KALRN: variants seen among roughly 807,000 people sequenced by gnomAD.
The protein encoded by KALRN is kalirin.
A neutral mutation model predicts 353.7 loss-of-function variants in KALRN; 70 were observed. The ratio of observed to expected loss-of-function variants is 0.20; its 90% CI spans 0.16 to 0.24. The LOEUF (loss-of-function observed/expected upper bound fraction) is 0.24, where lower values mean the gene tolerates loss of function less well. Ranked by LOEUF, KALRN falls within the 10% of genes least tolerant of loss-of-function variation. The pLI is 1.00. For missense variants in KALRN, 2,791 were observed against 3,756.7 expected, an observed-to-expected ratio of 0.74 and a Z score of 6.72; for synonymous variants, 1,391 against 1,434.8, an observed-to-expected ratio of 0.97 and a Z score of 0.69.
intron 3 of KALRN, among the ~76,000 whole-genome samples, chr3:124,251,671 T>C (rs1298939038): frequency 6.6e-6 from 1 of 152,216 alleles, no homozygotes; most frequent in Admixed American, 6.5e-5. Flanking sequence ...GTCTTTGTTC[T>C]TTTTGAGAGG....
chr3:124,371,511 C>A (rs1257141163), intron 10 of KALRN, among the ~76,000 whole-genome samples: 8 of 152,092 alleles, frequency 5.3e-5, no homozygotes, highest in Admixed American at 5.2e-4. Context: ...AAACTCCATA[C>A]TGTTTTCCAT....
chr3:124,683,146 G>T (rs554222246), intron 51 of KALRN, among the ~76,000 whole-genome samples: 1 of 152,274 alleles, frequency 6.6e-6, no homozygotes, highest in Admixed American at 6.5e-5. Context: ...GTCAAACCAA[G>T]CTGAAAACCA....
chr3:124,244,617 T>C (rs2080895558), intron 3 of KALRN, among the ~76,000 whole-genome samples: 1 of 152,186 alleles, frequency 6.6e-6, no homozygotes, highest in Admixed American at 6.5e-5. Context: ...CATTATACTA[T>C]AGGAATATTT....
intron 14 of KALRN, among the ~76,000 whole-genome samples, chr3:124,420,144 G>A (rs1276249455): frequency 6.6e-6 from 1 of 152,208 alleles, no homozygotes; most frequent in Non-Finnish European, 1.5e-5. Flanking sequence ...TTTATTTCCT[G>A]TGTTTTTCTC....
chr3:124,682,170 AAG>A (rs1244698795), intron 51 of KALRN, among the ~76,000 whole-genome samples: 1 of 152,216 alleles, frequency 6.6e-6, no homozygotes, highest in Non-Finnish European at 1.5e-5. Flanking sequence ...GTGCATACTG[AAG>A]AGAGAGGCTA....
In KALRN at chr3:124,694,571, T is replaced by A. The variant is rs41264669; in HGVS notation, c.7577+68T>A. ...TGACACAGCACTGAGAGGCTGAATC[T>A]GGGGTGCAACTTCTGCTCTGGTGAC... On this transcript the variant is annotated intron_variant, in intron 53 of 59. Transcript: ENST00000682506. The A allele has an allele frequency of 9.1e-3, 13,525 of 1,483,340 alleles. 74 individuals are homozygous for A. The highest frequency in any genetic ancestry group is 0.011 in the Non-Finnish European group (11,847 of 1,085,712). 91.9% of individuals were successfully genotyped at this position (1,483,340 alleles called of 1,614,324 possible). A position where few individuals can be genotyped will look rare whatever the true frequency, so the allele number is the denominator to read the frequency against.
chr3:124,713,639 C>A (rs544868406), intron 58 of KALRN, among the ~76,000 whole-genome samples: 1 of 152,278 alleles, frequency 6.6e-6, no homozygotes, highest in Non-Finnish European at 1.5e-5. Flanking sequence ...CAACCATATA[C>A]GTGACCCCTA....
At chr3:124,530,209 C>A (rs2067925895) in intron 33 of KALRN, among the ~76,000 whole-genome samples, 1 of 152,016 alleles carries the variant, frequency 6.6e-6, no homozygotes, top group African/African-American at 2.4e-5. Context: ...TAGAAAATAT[C>A]CTTAATTAGA....
At chr3:124,381,263 T>C (rs961748599) in intron 10 of KALRN, among the ~76,000 whole-genome samples, 3 of 152,138 alleles carry the variant, frequency 2.0e-5, no homozygotes, top group African/African-American at 7.2e-5. Context: ...TGAAGAAGAA[T>C]ATGTGCAAAG....
intron 1 of KALRN, among the ~76,000 whole-genome samples, chr3:124,073,391 CA>C (rs751878916): frequency 7.2e-5 from 11 of 152,204 alleles, no homozygotes; most frequent in Non-Finnish European, 1.2e-4. Flanking sequence ...GCAGCAGTGA[CA>C]TTGACACATA....
chr3:124,505,050 A>G (rs983154299), intron 33 of KALRN: 1 of 467,166 alleles, frequency 2.1e-6, no homozygotes, highest in Admixed American at 2.4e-5. Flanking sequence ...GCCTGCAGGT[A>G]GAGAAGTGGT....
rs1223237708 is a variant in KALRN, at chr3:124,495,963, A to G, written c.4833-348A>G. ...TTCCCAAGTGTGTGTATGTGTATGT[A>G]TGTATATATATATATATATATATAT... On this transcript the variant is annotated intron_variant, in intron 32 of 59. Transcript: ENST00000682506. 1.1e-3 allele frequency among the ~76,000 whole-genome samples: 28 copies of G among 26,168 alleles called. 2 individuals carry two copies. The highest frequency in any genetic ancestry group is 5.8e-3 in the East Asian group (2 of 346). The allele number at this position is 26,168 out of a possible 152,430, so 17.2% of individuals were successfully genotyped here.
chr3:124,083,237 C>A (rs139672679), intron 1 of KALRN, among the ~76,000 whole-genome samples: 2 of 151,944 alleles, frequency 1.3e-5, no homozygotes, highest in Admixed American at 1.3e-4. Context: ...GTGTGCCAGG[C>A]GCTAGGGATA....
intron 13 of KALRN, among the ~76,000 whole-genome samples, chr3:124,399,716 A>G (rs1269141868): frequency 1.3e-5 from 2 of 152,200 alleles, no homozygotes; most frequent in Non-Finnish European, 2.9e-5. Context: ...TGCTAAGACC[A>G]TTTGTTAGTT....
At chr3:124,646,558 T>C (rs2082767314) in intron 37 of KALRN, among the ~76,000 whole-genome samples, 1 of 151,682 alleles carries the variant, frequency 6.6e-6, no homozygotes, top group African/African-American at 2.4e-5. Context: ...ATCTGACTAG[T>C]TTTTGTATTT....
chr3:124,165,097 C>T (rs2070616920), intron 1 of KALRN, among the ~76,000 whole-genome samples: 1 of 152,314 alleles, frequency 6.6e-6, no homozygotes, highest in Non-Finnish European at 1.5e-5. Context: ...GGAATGGAAA[C>T]TTGTTATTCC....
chr3:124,312,309 C>T (rs987718832), intron 6 of KALRN, among the ~76,000 whole-genome samples: 2 of 151,990 alleles, frequency 1.3e-5, no homozygotes, highest in Non-Finnish European at 2.9e-5. Context: ...TACAGGCACC[C>T]GCCACCATGC....
intron 37 of KALRN, among the ~76,000 whole-genome samples, chr3:124,648,185 C>T (rs2082991708): frequency 6.6e-6 from 1 of 152,236 alleles, no homozygotes; most frequent in Admixed American, 6.5e-5. Flanking sequence ...GAGGCCATCA[C>T]TCTTGAATTA....
chr3:124,237,563 G>C (rs976021987), intron 3 of KALRN, among the ~76,000 whole-genome samples: 1 of 151,972 alleles, frequency 6.6e-6, no homozygotes, highest in African/African-American at 2.4e-5. Context: ...GGGTTTCACT[G>C]TGTTGGCCAG....
Sources: allele counts gnomAD v4.1 joint callset (sites outside exome capture counted in the v4.1 genomes callset), GRCh38; gene constraint gnomAD v4.1.1; transcripts MANE v1.5; gene names NCBI Gene and HGNC (gene_info 2026-07-23, HGNC 2026-07-21).